RAD51: variants seen among roughly 807,000 people sequenced by gnomAD.
RAD51 encodes RAD51 recombinase, also known as DNA repair protein RAD51 homolog 1.
A neutral mutation model predicts 41.5 loss-of-function variants in RAD51; 14 were observed. The ratio of observed to expected loss-of-function variants is 0.34; its 90% CI spans 0.22 to 0.53. RAD51 has a LOEUF of 0.53. Among genes scored for constraint, RAD51 ranks in the 20% least tolerant of loss-of-function variants. RAD51 has a pLI of 0.95. For missense variants in RAD51, 234 were observed against 422.0 expected (o/e 0.55, Z 3.90); for synonymous variants, 136 against 148.6 (o/e 0.92, Z 0.62).
At chr15:40,707,899 G>A (rs979538161) in intron 4 of RAD51, among the ~76,000 whole-genome samples, 6 of 151,450 alleles carry the variant, frequency 4.0e-5, no homozygotes, top group African/African-American at 1.5e-4. Context: ...TGTATTTTTA[G>A]TAGAGACGGG....
At chr15:40,698,627 G>C (rs1894799659) in intron 1 of RAD51, 130 bp from the exon 2 acceptor site, 1 of 813,360 alleles carries the variant, frequency 1.2e-6, no homozygotes, top group East Asian at 2.6e-5. Context: ...GGAGAACAGA[G>C]AGGCACAATA....
intron 1 of RAD51, among the ~76,000 whole-genome samples, chr15:40,698,326 C>T (rs1489588828): frequency 6.6e-6 from 1 of 151,596 alleles, no homozygotes; most frequent in Non-Finnish European, 1.5e-5. Context: ...GTAGCTGGGA[C>T]TACAGGCGTG....
chr15:40,730,608 G>T (rs1367912416), intron 9 of RAD51, among the ~76,000 whole-genome samples: 9 of 134,038 alleles, frequency 6.7e-5, no homozygotes, highest in African/African-American at 2.5e-4. Context: ...TGCAAGCTCC[G>T]CCTCCCGGGT....
At chr15:40,730,775 G>C (rs1250308086) in intron 9 of RAD51, among the ~76,000 whole-genome samples, 3 of 151,712 alleles carry the variant, frequency 2.0e-5, no homozygotes, top group Non-Finnish European at 4.4e-5. Flanking sequence ...GCCCAACTCA[G>C]CCTCCCAAAG....
chr15:40,730,521 T>TTTTTTTTTTTTTTCTTTTC (rs1596028889), intron 9 of RAD51, among the ~76,000 whole-genome samples: 23 of 92,694 alleles, frequency 2.5e-4, no homozygotes, highest in South Asian at 4.5e-4. Flanking sequence ...ATTTTTTTTC[T>TTTTTTTTTTTTTTCTTTTC]TTTTTTTTTT....
chr15:40,722,779 T>C (rs1010208425), intron 6 of RAD51, among the ~76,000 whole-genome samples: 1 of 152,144 alleles, frequency 6.6e-6, no homozygotes, highest in African/African-American at 2.4e-5. Context: ...TTAGTGACCT[T>C]GGGGTAGGCA....
intron 6 of RAD51, among the ~76,000 whole-genome samples, chr15:40,726,741 C>T (rs1264288046): frequency 2.0e-5 from 3 of 151,552 alleles, no homozygotes; most frequent in Non-Finnish European, 4.4e-5. Flanking sequence ...GGTGAAACCC[C>T]GTCTCTACTA....
intron 6 of RAD51, among the ~76,000 whole-genome samples, chr15:40,720,351 G>A (rs755780883): frequency 6.6e-6 from 1 of 152,000 alleles, no homozygotes; most frequent in Non-Finnish European, 1.5e-5. Flanking sequence ...CAAAAGTGCT[G>A]GGATTACAGG....
chr15:40,718,010 T>C (rs1896070227), intron 5 of RAD51, among the ~76,000 whole-genome samples: 1 of 152,108 alleles, frequency 6.6e-6, no homozygotes, highest in East Asian at 1.9e-4. Context: ...GGCGGGCAGA[T>C]CACTTGAGTC....
chr15:40,728,149 C>T (rs564953781), intron 6 of RAD51, among the ~76,000 whole-genome samples: 14 of 152,230 alleles, frequency 9.2e-5, no homozygotes, highest in African/African-American at 2.9e-4. Context: ...CGTGAGCCAC[C>T]GCACCTGGCC....
intron 1 of RAD51, among the ~76,000 whole-genome samples, chr15:40,698,512 A>G (rs1894793788): frequency 6.6e-6 from 1 of 152,164 alleles, no homozygotes. Flanking sequence ...GATTCTACAT[A>G]TGAGTGAGAT....
At chr15:40,724,862 A>AGTAGAGACGAAGTTTCACTGTGTTAGCC (rs1896485377) in intron 6 of RAD51, among the ~76,000 whole-genome samples, 1 of 119,670 alleles carries the variant, frequency 8.4e-6, no homozygotes, top group African/African-American at 3.2e-5. Context: ...TGTATTTTTT[A>AGTAGAGACGAAGTTTCACTGTGTTAGCC]ATTTTAATTT....
At chr15:40,710,495 C>A in intron 5 of RAD51, among the ~76,000 whole-genome samples, 2 of 100,584 alleles carry the variant, frequency 2.0e-5, no homozygotes, top group South Asian at 3.3e-4. Context: ...AAGCGAGACT[C>A]TGTCTCAAAA....
chr15:40,710,241 C>CA lies in RAD51; in HGVS notation c.435+1154dup, dbSNP rs71104728. Among the ~76,000 whole-genome samples the CA allele has an allele frequency of 2.5e-3, 112 of 44,292 alleles. 2 individuals are homozygous for CA. Among genetic ancestry groups the CA allele is most frequent in the Non-Finnish European group, 3.2e-3 (92 of 28,462 alleles). The allele number at this position is 44,292 out of a possible 152,430, so 29.1% of individuals were successfully genotyped here. Reference sequence around the variant, plus strand: ...TGGGCGACAGAGCGAGACTCTGTCTCAAAAAAAAAAAAAAAAAAAAAAAAA... The same window carrying CA: ...TGGGCGACAGAGCGAGACTCTGTCTCAAAAAAAAAAAAAAAAAAAAAAAAAA... On this transcript the variant is annotated intron_variant, in intron 5 of 9. Transcript: ENST00000267868.
chr15:40,705,981 T>C (rs1033881880), intron 3 of RAD51, among the ~76,000 whole-genome samples, 196 bp from the exon 4 acceptor site: 2 of 152,222 alleles, frequency 1.3e-5, no homozygotes, highest in Admixed American at 6.5e-5. Context: ...CTTCATGGAA[T>C]CTCTGAATTA....
At chr15:40,702,856 C>A (rs982513350) in intron 3 of RAD51, among the ~76,000 whole-genome samples, 2 of 150,760 alleles carry the variant, frequency 1.3e-5, no homozygotes, top group Admixed American at 6.6e-5. Context: ...AAAAGTCTCA[C>A]TCTGTTGCCC....
chr15:40,708,014 CTTTT>C (rs35792895), intron 4 of RAD51, among the ~76,000 whole-genome samples: 148 of 115,884 alleles, frequency 1.3e-3, no homozygotes, highest in African/African-American at 4.8e-3. Flanking sequence ...CTGTGCCCAG[CTTTT>C]TTTTTTTTTT....
At chr15:40,697,131 G>A (rs978960142) in intron 1 of RAD51, among the ~76,000 whole-genome samples, 1 of 151,912 alleles carries the variant, frequency 6.6e-6, no homozygotes, top group African/African-American at 2.4e-5. Context: ...ACAGAGTTTG[G>A]CTCTTGTTGC....
Position 40,716,657 on chromosome 15 carries a change from C to CTTTTT in RAD51, c.436-2131_436-2127dup, listed in dbSNP as rs34860677. Among the ~76,000 whole-genome samples, 440 of 88,158 alleles carry CTTTTT rather than the reference C, an allele frequency of 5.0e-3. 5 individuals are homozygous for CTTTTT. The highest frequency in any genetic ancestry group is 0.018 in the African/African-American group (418 of 23,416). 57.8% of individuals were successfully genotyped at this position (88,158 alleles called of 152,430 possible). On this transcript the variant is annotated intron_variant, in intron 5 of 9. Transcript: ENST00000267868. ...GCCCCCATGCCTGGCCTCTCTACTTCTTTTTTTTTTTTTTTTTTTTTGAGA... is the reference window on the plus strand; with the variant it reads ...GCCCCCATGCCTGGCCTCTCTACTTCTTTTTTTTTTTTTTTTTTTTTTTTTTGAGA...
Sources: gnomAD v4.1 joint callset for allele counts (sites outside exome capture counted in the v4.1 genomes callset) on GRCh38, gnomAD v4.1.1 for gene constraint, MANE v1.5 for transcripts, NCBI Gene and HGNC (gene_info 2026-07-23, HGNC 2026-07-21) for gene names.